EPC2: variants seen among roughly 807,000 people sequenced by gnomAD.
EPC2 encodes the protein enhancer of polycomb homolog 2.
In EPC2, 14 loss-of-function variants were observed where a neutral mutation model predicts 92.1. The ratio of observed to expected loss-of-function variants is 0.15; its 90% CI spans 0.10 to 0.24. The LOEUF is 0.24. EPC2 is among the 10% of genes least tolerant of loss of function. The pLI is 1.00. For synonymous variants in EPC2, 340 were observed against 334.7 expected (o/e 1.02, Z -0.17); for missense variants, 755 against 971.5 (o/e 0.78, Z 2.96).
At chr2:148,702,212 T>A (rs1681906079) in intron 2 of EPC2, among the ~76,000 whole-genome samples, 1 of 152,230 alleles carries the variant, frequency 6.6e-6, no homozygotes, top group Non-Finnish European at 1.5e-5. Context: ...AAAAGGATTT[T>A]ATGTTTTGGT....
intron 1 of EPC2, among the ~76,000 whole-genome samples, chr2:148,658,605 GTGTATATATA>G (rs1237165909): frequency 4.8e-5 from 1 of 20,652 alleles, no homozygotes; most frequent in African/African-American, 6.6e-5. Context: ...GTGTGTGTGT[GTGTATATATA>G]TATATATATA....
chr2:148,718,809 C>T (rs1207664561), intron 2 of EPC2, among the ~76,000 whole-genome samples: 2 of 152,158 alleles, frequency 1.3e-5, no homozygotes, highest in Non-Finnish European at 2.9e-5. Flanking sequence ...GGGAAGTTCT[C>T]CTAAATGATA....
At chr2:148,696,717 G>A (rs895043588) in intron 2 of EPC2, among the ~76,000 whole-genome samples, 1 of 152,174 alleles carries the variant, frequency 6.6e-6, no homozygotes, top group Admixed American at 6.5e-5. Context: ...AGTTACCAAA[G>A]ATAGGCCTTC....
intron 10 of EPC2, among the ~76,000 whole-genome samples, chr2:148,774,639 T>C (rs1030368419): frequency 6.7e-6 from 1 of 148,886 alleles, no homozygotes; most frequent in Admixed American, 6.8e-5. Context: ...TATATATATA[T>C]ATGCATGTAC....
chr2:148,704,753 A>G (rs1025820326), intron 2 of EPC2, among the ~76,000 whole-genome samples: 52 of 152,226 alleles, frequency 3.4e-4, no homozygotes, highest in Admixed American at 2.7e-3. Flanking sequence ...CTGGAACAAC[A>G]ACAGGGATAT....
chr2:148,780,997 G>A (rs1222460196), intron 10 of EPC2, among the ~76,000 whole-genome samples: 4 of 152,200 alleles, frequency 2.6e-5, no homozygotes, highest in Non-Finnish European at 4.4e-5. Context: ...ACAGTTGGTC[G>A]CAGTAGAATT....
chr2:148,687,256 A>T (rs185612610), intron 1 of EPC2, among the ~76,000 whole-genome samples: 2 of 152,304 alleles, frequency 1.3e-5, no homozygotes, highest in East Asian at 3.9e-4. Context: ...GCCTTCATAG[A>T]ATTGAAATGC....
rs960959780 is a variant in EPC2 at position 148,786,224 on chromosome 2, T to A, written c.2352-81T>A. 10 of 1,162,880 alleles carry A rather than the reference T, an allele frequency of 8.6e-6. No homozygotes were observed. In the African/African-American group the frequency reaches 1.1e-4, roughly 13 times the overall value. 72.0% of individuals were successfully genotyped at this position (1,162,880 alleles called of 1,614,324 possible). A position where few individuals can be genotyped will look rare whatever the true frequency, so the allele number is the denominator to read the frequency against. Reference sequence around the variant, plus strand: ...ATGTTTAGTTGTAATTATGTAACAATGTTTTTGTAAAATACTAAATGGTAA... The same window carrying A: ...ATGTTTAGTTGTAATTATGTAACAAAGTTTTTGTAAAATACTAAATGGTAA... On this transcript the variant is annotated intron_variant, in intron 13 of 13. Transcript: ENST00000258484.
At chr2:148,664,476 C>T (rs762438021) in intron 1 of EPC2, among the ~76,000 whole-genome samples, 3 of 152,110 alleles carry the variant, frequency 2.0e-5, no homozygotes, top group East Asian at 3.9e-4. Context: ...CCAGCCAGGG[C>T]GACAGAGTGA....
intron 1 of EPC2, among the ~76,000 whole-genome samples, chr2:148,681,438 A>T (rs532758532): frequency 6.6e-6 from 1 of 152,320 alleles, no homozygotes; most frequent in East Asian, 1.9e-4. Flanking sequence ...AAATCTCTCA[A>T]AGGCTACATT....
At chr2:148,712,129 T>C (rs894832453) in intron 2 of EPC2, among the ~76,000 whole-genome samples, 3 of 152,208 alleles carry the variant, frequency 2.0e-5, no homozygotes, top group African/African-American at 7.2e-5. Flanking sequence ...TTTGATTCCC[T>C]TGGTCTTTGT....
rs1304097021 is a variant in EPC2 at position 148,644,787 on chromosome 2, G to A, written c.-231G>A. Among the ~76,000 whole-genome samples, 1 of 151,790 alleles carries A rather than the reference G, an allele frequency of 6.6e-6. No individual in the cohort carries two copies. Among genetic ancestry groups the A allele is most frequent in the African/African-American group, 2.4e-5 (1 of 41,328 alleles). On this transcript the variant is annotated 5_prime_UTR_variant, in exon 1 of 14. Coordinates refer to ENST00000258484, the MANE Select transcript of EPC2 (RefSeq NM_015630.4). ...CCATGTTGGCCATGGCGCAGGGAGC[G>A]GATCGGGCGGGCGAGCGGCGGATCT...
At chr2:148,696,971 A>G (rs916368366) in intron 2 of EPC2, among the ~76,000 whole-genome samples, 2 of 152,264 alleles carry the variant, frequency 1.3e-5, no homozygotes, top group African/African-American at 4.8e-5. Context: ...TGGGTAAAAG[A>G]TAGTAAAATA....
intron 2 of EPC2, chr2:148,692,912 T>G (rs1438870485): frequency 6.6e-6 from 1 of 152,198 alleles, no homozygotes; most frequent in African/African-American, 2.4e-5. Context: ...CCTTTCATTT[T>G]TTCTTTTAGC....
chr2:148,650,751 A>G (rs1357166622), intron 1 of EPC2, among the ~76,000 whole-genome samples: 2 of 146,156 alleles, frequency 1.4e-5, no homozygotes, highest in Admixed American at 1.5e-4. Flanking sequence ...TGGAGAGGGT[A>G]TAAAATGCAG....
At position 148,644,782 on chromosome 2, in the gene EPC2, G is replaced by A. The variant is rs569585808; in HGVS notation, c.-236G>A. On this transcript the variant is annotated 5_prime_UTR_variant, in exon 1 of 14. Transcript: ENST00000258484. ...GTCCGCCATGTTGGCCATGGCGCAG[G>A]GAGCGGATCGGGCGGGCGAGCGGCG... 117 of 442,542 alleles carry A rather than the reference G, an allele frequency of 2.6e-4. No homozygotes were observed. The highest frequency in any genetic ancestry group is 2.2e-3 in the African/African-American group (103 of 47,346). The allele number at this position is 442,542 out of a possible 1,614,324, so 27.4% of individuals were successfully genotyped here. A position where few individuals can be genotyped will look rare whatever the true frequency, so the allele number is the denominator to read the frequency against.
Position 148,779,841 on chromosome 2 carries a change from G to T in EPC2, c.1721-1803G>T, listed in dbSNP as rs555117858. Among the ~76,000 whole-genome samples, 5 of 152,320 alleles carry T rather than the reference G, an allele frequency of 3.3e-5. No individual in the cohort carries two copies. The East Asian group carries it at 7.7e-4, about 23-fold the overall frequency. On this transcript the variant is annotated intron_variant, in intron 10 of 13. Coordinates refer to ENST00000258484, the MANE Select transcript of EPC2 (RefSeq NM_015630.4). Reference sequence around the variant, plus strand: ...CTTGACACTGGACTTAAGGACTGTTGTAATAATACCAGATTCCAAGTCCAT... The same window carrying T: ...CTTGACACTGGACTTAAGGACTGTTTTAATAATACCAGATTCCAAGTCCAT...
intron 2 of EPC2, 101 bp downstream of exon 2, chr2:148,690,474 C>T: frequency 9.5e-7 from 1 of 1,057,108 alleles, no homozygotes. Flanking sequence ...TTAATTCATA[C>T]ACACTGATTA....
intron 2 of EPC2, among the ~76,000 whole-genome samples, chr2:148,728,729 C>CTT (rs753807146): frequency 1.7e-4 from 24 of 144,200 alleles, no homozygotes; most frequent in East Asian, 4.0e-4. Flanking sequence ...GGCCTTTCCT[C>CTT]TTTTTTTTTT....
Sources: gnomAD v4.1 joint callset for allele counts (sites outside exome capture counted in the v4.1 genomes callset) on GRCh38, gnomAD v4.1.1 for gene constraint, MANE v1.5 for transcripts, NCBI Gene and HGNC (gene_info 2026-07-23, HGNC 2026-07-21) for gene names.